Variants in CUX1 observed in about 807,000 individuals in gnomAD.
CUX1 encodes the protein cut like homeobox 1, also known as protein CASP.
Under a neutral mutation model 158.8 loss-of-function variants are expected in CUX1, and 31 were observed. The observed-to-expected ratio is 0.20, with a 90% CI of 0.15 to 0.26. The LOEUF (loss-of-function observed/expected upper bound fraction) is 0.26, where lower values mean the gene tolerates loss of function less well. Among genes scored for constraint, CUX1 ranks in the 10% least tolerant of loss-of-function variants. The probability of loss-of-function intolerance (pLI) is 1.00; values close to 1 mark genes in which losing one functional copy is unlikely to be tolerated. For synonymous variants in CUX1, 879 were observed against 862.1 expected, an observed-to-expected ratio of 1.02 and a Z score of -0.34; for missense variants, 1,589 against 2,014.6, an observed-to-expected ratio of 0.79 and a Z score of 4.04.
intron 1 of CUX1, among the ~76,000 whole-genome samples, chr7:101,875,201 T>C (rs919909431): frequency 6.6e-6 from 1 of 152,140 alleles, no homozygotes; most frequent in African/African-American, 2.4e-5. Context: ...AAATCACAGC[T>C]AGGATGCAAA....
At chr7:101,816,900 GCGTGTGGCTCCCGGC>G (rs1402158359), upstream of CUX1, 20 of 980,134 alleles carry the variant, frequency 2.0e-5, no homozygotes, top group Admixed American at 1.0e-3. Context: ...CCGGCACCCC[GCGTGTGGCTCCCGGC>G]GCGGACCCCC....
chr7:101,989,339 G>A (rs915753305), intron 2 of CUX1, among the ~76,000 whole-genome samples: 4 of 152,252 alleles, frequency 2.6e-5, no homozygotes, highest in African/African-American at 9.6e-5. Flanking sequence ...AATAGCAGGC[G>A]TGGCTGACCG....
intron 16 of CUX1, among the ~76,000 whole-genome samples, chr7:102,275,019 G>A (rs1739634773): frequency 6.6e-6 from 1 of 152,158 alleles, no homozygotes; most frequent in Admixed American, 6.5e-5. Flanking sequence ...CTTCCCCAGC[G>A]TGCGTATTGT....
chr7:101,910,450 T>C (rs1399822082), intron 1 of CUX1, among the ~76,000 whole-genome samples: 1 of 151,970 alleles, frequency 6.6e-6, no homozygotes, highest in Non-Finnish European at 1.5e-5. Flanking sequence ...CCGGCCCACA[T>C]ACACTTTAAA....
Position 102,097,394 on chromosome 7 carries a change from A to T in CUX1, c.299A>T (p.Gln100Leu). 6.2e-7 allele frequency: 1 copy of T among 1,611,432 alleles called. No individual in the cohort carries two copies. Among genetic ancestry groups the T allele is most frequent in the Non-Finnish European group, 8.5e-7 (1 of 1,179,458 alleles). ...DPVPALDLGQ[Q>L]LQLKVQRLHD... ...GTACCAGCTTTGGATCTCGGACAGC[A>T]ACTCCAGCTCAAAGTGCAGCGCCTG... The change falls in exon 5 of 24, where the codon CAA becomes CTA. Residue 100 changes from glutamine to leucine, a missense_variant. Transcript: ENST00000292535.
At position 102,252,530 on chromosome 7, in the gene CUX1, C is replaced by T; in HGVS notation, c.*3488C>T. 1 of 985,458 alleles carries T rather than the reference C, an allele frequency of 1.0e-6. No individual in the cohort carries two copies. The highest frequency in any genetic ancestry group is 1.2e-6 in the Non-Finnish European group (1 of 829,938). The allele number at this position is 985,458 out of a possible 1,614,324, so 61.0% of individuals were successfully genotyped here. A position where few individuals can be genotyped will look rare whatever the true frequency, so the allele number is the denominator to read the frequency against. On this transcript the variant is annotated 3_prime_UTR_variant, in exon 24 of 24. Transcript: ENST00000292535. ...ATGGCTTCTTTTTGTTAATTGGAGG[C>T]ATTGTTCATAACTTAAGGCTTTTGC...
At chr7:102,215,415 G>T (rs1231222286) in intron 20 of CUX1, among the ~76,000 whole-genome samples, 1 of 152,036 alleles carries the variant, frequency 6.6e-6, no homozygotes, top group Non-Finnish European at 1.5e-5. Context: ...CATTTGGCTG[G>T]GATGCCGCTC....
chr7:102,025,676 T>A (rs1304003395), intron 2 of CUX1, among the ~76,000 whole-genome samples: 2 of 152,052 alleles, frequency 1.3e-5, no homozygotes, highest in African/African-American at 4.8e-5. Flanking sequence ...TTTTTTGTCC[T>A]GGAGCCTGGT....
At chr7:101,818,182 A>G (rs531222391) in intron 1 of CUX1, among the ~76,000 whole-genome samples, 1 of 152,346 alleles carries the variant, frequency 6.6e-6, no homozygotes, top group Admixed American at 6.5e-5. Context: ...GATTACTCCA[A>G]AGTGTCTATT....
At chr7:102,120,611 T>G (rs1831934033) in intron 8 of CUX1, among the ~76,000 whole-genome samples, 1 of 152,258 alleles carries the variant, frequency 6.6e-6, no homozygotes. Flanking sequence ...GAGTATTTTC[T>G]TTATAACATG....
intron 2 of CUX1, among the ~76,000 whole-genome samples, chr7:101,982,114 C>T (rs1261116222): frequency 1.3e-5 from 2 of 152,238 alleles, no homozygotes; most frequent in African/African-American, 4.8e-5. Flanking sequence ...TAGAGTTTCC[C>T]TCTACCTGCA....
chr7:102,070,345 G>A lies in CUX1; in HGVS notation c.196G>A (p.Ala66Thr). Reference protein sequence around the residue: ...LLKSFQGEIDALSKRSKEAEA... With the variant: ...LLKSFQGEIDTLSKRSKEAEA... ...TTCTTTCCTTCCCTTTCAGATTGAT[G>A]CACTGAGTAAAAGAAGCAAGGAAGC... Residue 66 changes from alanine (A) to threonine (T), a missense_variant, in exon 4 of 24, where the codon GCA becomes ACA. By Grantham distance (58) the Ala-to-Thr change is moderately conservative (BLOSUM62 0). Transcript: ENST00000292535. 1 of 1,608,170 alleles carries A rather than the reference G, an allele frequency of 6.2e-7. No homozygotes were observed. Among genetic ancestry groups the A allele is most frequent in the Non-Finnish European group, 8.5e-7 (1 of 1,178,500 alleles).
At chr7:101,899,993 A>G (rs1801962386) in intron 1 of CUX1, among the ~76,000 whole-genome samples, 1 of 152,212 alleles carries the variant, frequency 6.6e-6, no homozygotes, top group Admixed American at 6.5e-5. Flanking sequence ...GGTTAGCAAT[A>G]GCTCTTTAGC....
At chr7:101,962,841 C>G (rs1175053466) in intron 2 of CUX1, among the ~76,000 whole-genome samples, 1 of 152,118 alleles carries the variant, frequency 6.6e-6, no homozygotes, top group Non-Finnish European at 1.5e-5. Context: ...CCACCTCAGC[C>G]TCCTGAGTAG....
At chr7:102,245,074 G>A (rs781906941) in intron 23 of CUX1, among the ~76,000 whole-genome samples, 13 of 152,142 alleles carry the variant, frequency 8.5e-5, no homozygotes, top group Non-Finnish European at 1.6e-4. Context: ...AAAGGGTCTC[G>A]CTCTGTCGCC....
At chr7:102,162,361 C>T (rs1684385544) in intron 9 of CUX1, among the ~76,000 whole-genome samples, 1 of 152,182 alleles carries the variant, frequency 6.6e-6, no homozygotes. Context: ...GCAACCTCCC[C>T]GTCCTGGGTT....
chr7:101,816,835 C>G (rs1173256403), upstream of CUX1: 39 of 835,840 alleles, frequency 4.7e-5, no homozygotes, highest in Non-Finnish European at 5.4e-5. Context: ...TCGCTACCCC[C>G]GGCCGGCCCC....
chr7:102,198,953 C>A, intron 16 of CUX1, 86 bp downstream of exon 16: 1 of 1,237,166 alleles, frequency 8.1e-7, no homozygotes, highest in Non-Finnish European at 1.2e-6. Context: ...TAAAACTGTG[C>A]AGTGTGATTC....
intron 20 of CUX1, among the ~76,000 whole-genome samples, chr7:102,208,741 C>G (rs1254859890): frequency 6.6e-6 from 1 of 152,178 alleles, no homozygotes; most frequent in African/African-American, 2.4e-5. Context: ...CTTCCCATGG[C>G]TACCCCAGAA....
Sources: allele counts gnomAD v4.1 joint callset (sites outside exome capture counted in the v4.1 genomes callset), GRCh38; gene constraint gnomAD v4.1.1; transcripts MANE v1.5; gene names NCBI Gene and HGNC (gene_info 2026-07-23, HGNC 2026-07-21).